The following PDCD11 variants were observed in gnomAD, a reference collection of about 807,000 sequenced individuals.
The protein encoded by PDCD11 is protein RRP5 homolog.
Under a neutral mutation model 198.9 loss-of-function variants are expected in PDCD11, and 97 were observed. That is an observed-to-expected ratio of 0.49 (90% CI 0.41 to 0.58). The LOEUF is 0.58. PDCD11 is among the 20% of genes least tolerant of loss of function. The probability of loss-of-function intolerance (pLI) is 0.00; values close to 1 mark genes in which losing one functional copy is unlikely to be tolerated. For synonymous variants in PDCD11, 893 were observed against 918.0 expected (o/e 0.97, Z 0.49); for missense variants, 2,102 against 2,312.7 (o/e 0.91, Z 1.87).
At chr10:103,425,703 G>A (rs1031380482) in intron 20 of PDCD11, among the ~76,000 whole-genome samples, 178 bp downstream of exon 20, 1 of 151,340 alleles carries the variant, frequency 6.6e-6, no homozygotes, top group East Asian at 1.9e-4. Flanking sequence ...TTTTTGAGAC[G>A]GAGTCTCACT....
chr10:103,409,685 C>T lies in PDCD11; in HGVS notation c.871-14C>T, dbSNP rs975550661. On this transcript the variant is annotated splice_polypyrimidine_tract_variant and intron_variant, in intron 7 of 35. Transcript: ENST00000369797. ...AAAGAACTTTTTTTTATAACTTGTT[C>T]TGTTTATTTCTAGGTGACTCCATTT... 2.5e-6 allele frequency: 4 copies of T among 1,596,478 alleles called. No homozygotes were observed. The highest frequency in any genetic ancestry group is 3.3e-5 in the Admixed American group (2 of 59,802).
At chr10:103,424,412 A>G (rs1191420975) in intron 19 of PDCD11, among the ~76,000 whole-genome samples, 1 of 152,244 alleles carries the variant, frequency 6.6e-6, no homozygotes, top group Non-Finnish European at 1.5e-5. Flanking sequence ...GGAAAGCAAT[A>G]CTAACCTCTC....
chr10:103,414,996 A>G lies in PDCD11; in HGVS notation c.1372-9A>G. On this transcript the variant is annotated splice_polypyrimidine_tract_variant and intron_variant, in intron 11 of 35. Transcript: ENST00000369797. ...AGACATTGTGGCAGCTTATCTTTGG[A>G]TTCTCTAGGGCACAGTGCTAACCAT... 6.2e-7 allele frequency: 1 copy of G among 1,613,484 alleles called. No individual in the cohort carries two copies. Among genetic ancestry groups the G allele is most frequent in the African/African-American group, 1.3e-5 (1 of 74,988 alleles).
rs2031424233 is a variant in PDCD11 at position 103,421,496 on chromosome 10, T to A, written c.2426T>A (p.Ile809Asn). Residue 809 changes from isoleucine (I) to asparagine (N), a missense_variant, in exon 17 of 36, where the codon ATC becomes AAC. Coordinates refer to ENST00000369797, the MANE Select transcript of PDCD11 (RefSeq NM_014976.2). ...LSDCGLGDLA[I>N]TSLLLLNQCL... ...GACTGTGGTCTGGGGGACTTGGCTA[T>A]CACCAGCCTCCTCCTCCTGAATCAG... The A allele has an allele frequency of 6.3e-7, 1 of 1,593,528 alleles. No individual in the cohort carries two copies. Among genetic ancestry groups the A allele is most frequent in the Non-Finnish European group, 8.5e-7 (1 of 1,169,746 alleles).
intron 19 of PDCD11, 130 bp downstream of exon 19, chr10:103,423,788 C>A (rs940433950): frequency 1.5e-6 from 1 of 663,344 alleles, no homozygotes; most frequent in Non-Finnish European, 2.7e-6. Context: ...TCCAGGACAC[C>A]CCCGGTTTAG....
chr10:103,428,849 A>G (rs2031807670), intron 21 of PDCD11, among the ~76,000 whole-genome samples: 2 of 152,022 alleles, frequency 1.3e-5, no homozygotes, highest in African/African-American at 4.8e-5. Flanking sequence ...GAGGTGGGAG[A>G]TGTAGAGTTA....
chr10:103,434,372 T>C, intron 24 of PDCD11, 22 bp downstream of exon 24: 1 of 1,482,216 alleles, frequency 6.7e-7, no homozygotes, highest in Non-Finnish European at 9.4e-7. Context: ...AAACAGTGCC[T>C]GGTCGGGGAA....
intron 21 of PDCD11, among the ~76,000 whole-genome samples, 158 bp from the exon 22 acceptor site, chr10:103,431,971 G>A (rs2031952756): frequency 6.7e-6 from 1 of 148,854 alleles, no homozygotes; most frequent in African/African-American, 2.4e-5. Context: ...GGCCAGTATT[G>A]TGGACATTCC....
chr10:103,408,911 A>G (rs2030626251), intron 7 of PDCD11, among the ~76,000 whole-genome samples: 1 of 152,056 alleles, frequency 6.6e-6, no homozygotes, highest in Non-Finnish European at 1.5e-5. Context: ...TCCTAATGTG[A>G]TTGTTATAGG....
intron 28 of PDCD11, 102 bp from the exon 29 acceptor site, chr10:103,440,188 G>A: frequency 6.7e-7 from 1 of 1,489,744 alleles, no homozygotes. Context: ...ATGGGGGCAG[G>A]GCCCAGAATC....
At position 103,425,208 on chromosome 10, in the gene PDCD11, G is replaced by A. The variant is rs374875762; in HGVS notation, c.2988G>A (p.Gly996=). Residue 996 remains glycine, a synonymous_variant, in exon 20 of 36, where the codon GGG becomes GGA. Coordinates refer to ENST00000369797, the MANE Select transcript of PDCD11 (RefSeq NM_014976.2). ...GVTGLLLAVE[G]PAAKRTMRPT... is the part of the protein sequence containing the mutation. ...CTGGCCTTCTTTTGGCTGTGGAGGG[G>A]CCGGCTGCCAAGAGGACCATGAGGC... 9 of 1,614,148 alleles carry A rather than the reference G, an allele frequency of 5.6e-6. No homozygotes were observed. The African/African-American group carries it at 8.0e-5, about 14-fold the overall frequency.
At chr10:103,419,800 T>A in intron 16 of PDCD11, 92 bp downstream of exon 16, 1 of 739,034 alleles carries the variant, frequency 1.4e-6, no homozygotes, top group Non-Finnish European at 2.0e-6. Context: ...ACTTTATTCC[T>A]TTTTTTTTTG....
chr10:103,427,390 A>C lies in PDCD11; in HGVS notation c.3367A>C (p.Ser1123Arg), dbSNP rs2031743077. ...CATCCCGGAGCTGAGTGTTCGGCCA[A>C]GGTGAGGGGGACATTAGCAGCACTG... is the stretch of plus-strand genomic sequence containing the variant. ...RTIPELSVRP[S>R]ELEDGHTALN... Residue 1123 changes from serine to arginine, a missense_variant and splice_region_variant, in exon 21 of 36, where the codon AGT becomes CGT. Coordinates refer to ENST00000369797, the MANE Select transcript of PDCD11 (RefSeq NM_014976.2). The C allele has an allele frequency of 1.9e-6, 3 of 1,610,940 alleles. No individual in the cohort carries two copies. Among genetic ancestry groups the C allele is most frequent in the Non-Finnish European group, 2.5e-6 (3 of 1,178,298 alleles).
chr10:103,411,246 C>A (rs1160721714), intron 8 of PDCD11, among the ~76,000 whole-genome samples: 1 of 152,132 alleles, frequency 6.6e-6, no homozygotes, highest in Non-Finnish European at 1.5e-5. Context: ...AAATTTCCTA[C>A]AATGAACATG....
At position 103,406,113 on chromosome 10, in the gene PDCD11, G is replaced by A. The variant is rs1422683485; in HGVS notation, c.688+5G>A. On this transcript the variant is annotated splice_donor_5th_base_variant and intron_variant, in intron 6 of 35. Transcript: ENST00000369797. ...ACATCAGACAGAAGAACAAAGGTGA[G>A]GGCAAGAAAAGGGGCCAGTACATGG... is the stretch of plus-strand genomic sequence containing the variant. 1.9e-6 allele frequency: 3 copies of A among 1,613,926 alleles called. No homozygotes were observed. The highest frequency in any genetic ancestry group is 2.5e-6 in the Non-Finnish European group (3 of 1,179,886).
chr10:103,401,977 T>C (rs2030102606), intron 3 of PDCD11, among the ~76,000 whole-genome samples: 1 of 151,950 alleles, frequency 6.6e-6, no homozygotes, highest in African/African-American at 2.4e-5. Context: ...ATCCTGACCT[T>C]GTAATCTGCC....
chr10:103,403,269 A>G lies in PDCD11; in HGVS notation c.386A>G (p.Gln129Arg), dbSNP rs1257938864. ...YTKKLNEQVT[Q>R]EQPLKDLLHL... ...AAAAAGCTGAATGAGCAGGTGACAC[A>G]AGAACAACCTCTGAAGGTAAGGGAA... The change falls in exon 4 of 36, where the codon CAA (glutamine) becomes CGA (arginine). Residue 129 changes from glutamine (Q) to arginine (R), a missense_variant. Physicochemically the swap from Gln to Arg is conservative, Grantham distance 43. Coordinates refer to ENST00000369797, the MANE Select transcript of PDCD11 (RefSeq NM_014976.2). 2.5e-6 allele frequency: 4 copies of G among 1,613,992 alleles called. No homozygotes were observed. The highest frequency in any genetic ancestry group is 3.4e-6 in the Non-Finnish European group (4 of 1,179,922).
At chr10:103,422,055 T>TTTTTTA (rs1343458606) in intron 17 of PDCD11, among the ~76,000 whole-genome samples, 1 of 127,478 alleles carries the variant, frequency 7.8e-6, no homozygotes, top group Admixed American at 8.3e-5. Context: ...AGTGCACAAT[T>TTTTTTA]TTATTATTAT....
chr10:103,431,754 A>G (rs932628706), intron 21 of PDCD11, among the ~76,000 whole-genome samples: 15 of 152,224 alleles, frequency 9.9e-5, no homozygotes, highest in Admixed American at 9.2e-4. Flanking sequence ...AATGGGCTTA[A>G]TATCTCCCCT....
Sources: allele counts gnomAD v4.1 joint callset (sites outside exome capture counted in the v4.1 genomes callset), GRCh38; gene constraint gnomAD v4.1.1; transcripts MANE v1.5; gene names NCBI Gene and HGNC (gene_info 2026-07-23, HGNC 2026-07-21).